Variants in IHO1 observed in about 807,000 individuals in gnomAD.
IHO1 encodes interactor of HORMAD1 1.
IHO1 carries 13 observed loss-of-function variants against 31.0 expected under a neutral mutation model. The observed-to-expected ratio is 0.42, with a 90% CI of 0.27 to 0.67. The LOEUF is 0.67. Among genes scored for constraint, IHO1 ranks in the 30% least tolerant of loss-of-function variants. The probability of loss-of-function intolerance (pLI) is 0.24; values close to 1 mark genes in which losing one functional copy is unlikely to be tolerated. For missense variants in IHO1, 599 were observed against 687.5 expected (o/e 0.87, Z 1.44); for synonymous variants, 221 against 248.4 (o/e 0.89, Z 1.04).
upstream of IHO1, among the ~76,000 whole-genome samples, chr3:49,197,269 C>T (rs908534679): frequency 6.6e-6 from 1 of 151,260 alleles, no homozygotes; most frequent in Non-Finnish European, 1.5e-5. Context: ...GGATTACAGG[C>T]ATGAGCCACC....
chr3:49,254,990 G>A (rs2046805704), intron 6 of IHO1, among the ~76,000 whole-genome samples: 1 of 151,964 alleles, frequency 6.6e-6, no homozygotes, highest in Non-Finnish European at 1.5e-5. Flanking sequence ...TCAAACCTAG[G>A]AGGGGGAAGT....
chr3:49,219,458 A>C (rs904164040), intron 2 of IHO1, among the ~76,000 whole-genome samples: 3 of 152,176 alleles, frequency 2.0e-5, no homozygotes, highest in Non-Finnish European at 2.9e-5. Flanking sequence ...GTTAATATAT[A>C]ATCTATAGAA....
intron 1 of IHO1, among the ~76,000 whole-genome samples, chr3:49,201,067 C>T (rs1253232714): frequency 6.6e-6 from 1 of 151,782 alleles, no homozygotes; most frequent in Non-Finnish European, 1.5e-5. Context: ...GATCTCTGCT[C>T]ACTGCAAGCT....
intron 2 of IHO1, among the ~76,000 whole-genome samples, chr3:49,226,153 G>A (rs1010905707): frequency 6.6e-6 from 1 of 152,136 alleles, no homozygotes; most frequent in African/African-American, 2.4e-5. Context: ...AACCACCAAG[G>A]TTGGTTTGTC....
chr3:49,243,699 A>G (rs1425892424), intron 4 of IHO1, among the ~76,000 whole-genome samples: 1 of 144,204 alleles, frequency 6.9e-6, no homozygotes, highest in Admixed American at 7.2e-5. Context: ...CAGAGCTTGC[A>G]GTGAGCCGAG....
chr3:49,251,361 C>A (rs1461392000), intron 6 of IHO1, among the ~76,000 whole-genome samples: 4 of 151,342 alleles, frequency 2.6e-5, no homozygotes, highest in Non-Finnish European at 5.9e-5. Context: ...TCTCAGCTCA[C>A]TGCAACCTCT....
rs1264329689 is a variant in IHO1 at position 49,257,071 on chromosome 3, CAGTA to C, written c.1577_1580del (p.Val526GlyfsTer31). ...GGAGGAACAGTCATGCCCAATAAGACAGTAAGGGCAGTGCAGGGAAGACTCTTGC... is the reference window on the plus strand; with the variant it reads ...GGAGGAACAGTCATGCCCAATAAGACAGGGCAGTGCAGGGAAGACTCTTGC... On this transcript the variant is annotated frameshift_variant, in exon 8 of 8. Coordinates refer to ENST00000452691, the MANE Select transcript of IHO1 (RefSeq NM_001135197.2). LOFTEE classifies it low-confidence loss of function (END_TRUNC). 3 of 1,614,208 alleles carry C rather than the reference CAGTA, an allele frequency of 1.9e-6. No individual in the cohort carries two copies. Among genetic ancestry groups the C allele is most frequent in the Non-Finnish European group, 2.5e-6 (3 of 1,180,048 alleles).
upstream of IHO1, among the ~76,000 whole-genome samples, chr3:49,195,663 G>A (rs1459411928): frequency 6.6e-6 from 1 of 151,792 alleles, no homozygotes; most frequent in Non-Finnish European, 1.5e-5. Flanking sequence ...GCAGTGAGCT[G>A]AGATCACGCC....
rs577299908 is a variant in IHO1, at chr3:49,237,711, CAG to C, written c.231+991_231+992del. On this transcript the variant is annotated intron_variant, in intron 3 of 7. Transcript: ENST00000452691. ...ATAAAATAACAAATTTTATTTTAGA[CAG>C]ACTTTTTTAAATAATAAACTTCATG... Among the ~76,000 whole-genome samples, 417 of 151,588 alleles carry C rather than the reference CAG, an allele frequency of 2.8e-3. 3 individuals are homozygous for C. Among genetic ancestry groups the C allele is most frequent in the African/African-American group, 9.4e-3 (387 of 41,334 alleles).
At chr3:49,217,070 A>G (rs1241120026) in intron 2 of IHO1, among the ~76,000 whole-genome samples, 1 of 152,250 alleles carries the variant, frequency 6.6e-6, no homozygotes, top group South Asian at 2.1e-4. Context: ...CCATTGTGGA[A>G]GACAGTGTGG....
chr3:49,234,162 G>GTTTTTTTTTTTTTTTTTTTTTT (rs56802492), intron 2 of IHO1, among the ~76,000 whole-genome samples: 1 of 91,916 alleles, frequency 1.1e-5, no homozygotes, highest in Non-Finnish European at 1.9e-5. Flanking sequence ...TTTTGTTGTT[G>GTTTTTTTTTTTTTTTTTTTTTT]TTTTTTTTTT....
intron 3 of IHO1, among the ~76,000 whole-genome samples, chr3:49,240,696 A>G (rs1028783700): frequency 6.6e-6 from 1 of 152,214 alleles, no homozygotes; most frequent in Admixed American, 6.5e-5. Flanking sequence ...ATGCTCTGAA[A>G]TAAGTATTTC....
chr3:49,217,947 C>T (rs1413335911), intron 2 of IHO1, among the ~76,000 whole-genome samples: 1 of 152,198 alleles, frequency 6.6e-6, no homozygotes, highest in African/African-American at 2.4e-5. Context: ...TGGGTCCAGC[C>T]CATGCTGAAG....
chr3:49,251,398 G>A (rs1477039296), intron 6 of IHO1, among the ~76,000 whole-genome samples: 2 of 151,112 alleles, frequency 1.3e-5, no homozygotes, highest in Non-Finnish European at 2.9e-5. Flanking sequence ...TGTTTCTCCT[G>A]CCTCAGCCTC....
chr3:49,244,620 T>A, intron 5 of IHO1, 26 bp from the exon 6 acceptor site: 1 of 1,597,930 alleles, frequency 6.3e-7, no homozygotes, highest in Non-Finnish European at 8.6e-7. Context: ...AGCCTGTGAA[T>A]TATTTCATAA....
rs1559455495 is a variant in IHO1, at chr3:49,257,017, GC to G, written c.1524del (p.Arg509GlufsTer18). 8 of 1,614,056 alleles carry G rather than the reference GC, an allele frequency of 5.0e-6. No individual in the cohort carries two copies. The highest frequency in any genetic ancestry group is 5.9e-6 in the Non-Finnish European group (7 of 1,180,032). On this transcript the variant is annotated frameshift_variant, in exon 8 of 8. Transcript: ENST00000452691. LOFTEE classifies it low-confidence loss of function (END_TRUNC). ...AQPLHLQCPR[S>X]PRKPVCPILG... ...CCTCTGCATCTGCAGTGTCCCAGGA[GC>G]CCCAGAAAACCAGTCTGCCCTATTC...
chr3:49,228,057 T>C (rs544209372), intron 2 of IHO1, among the ~76,000 whole-genome samples: 1 of 152,260 alleles, frequency 6.6e-6, no homozygotes, highest in Admixed American at 6.5e-5. Flanking sequence ...GGAGTGGTTT[T>C]TAGAAGCAGG....
At chr3:49,216,155 G>C (rs1053275960) in intron 2 of IHO1, among the ~76,000 whole-genome samples, 11 of 152,174 alleles carry the variant, frequency 7.2e-5, no homozygotes, top group Admixed American at 7.2e-4. Context: ...TAATGCAGCA[G>C]TCCCTAACCT....
At position 49,241,265 on chromosome 3, in the gene IHO1, C is replaced by T. The variant is rs1369569121; in HGVS notation, c.271C>T (p.Gln91Ter). 3.1e-6 allele frequency: 5 copies of T among 1,613,014 alleles called. No individual in the cohort carries two copies. The highest frequency in any genetic ancestry group is 3.4e-6 in the Non-Finnish European group (4 of 1,179,664). Residue 91 changes from glutamine (Q) to a stop codon, truncating the protein, a stop_gained, in exon 4 of 8, where the codon CAG becomes TAG. Coordinates refer to ENST00000452691, the MANE Select transcript of IHO1 (RefSeq NM_001135197.2). LOFTEE classifies it high-confidence loss of function. ...SIFTKYQTKP[Q>*]LFGGDIKDGG... ...TTTCACAAAGTACCAGACAAAGCCCCAGCTGTTCGGAGGAGATATAAAAGA... is the reference window on the plus strand; with the variant it reads ...TTTCACAAAGTACCAGACAAAGCCCTAGCTGTTCGGAGGAGATATAAAAGA...
Sources: gnomAD v4.1 joint callset for allele counts (sites outside exome capture counted in the v4.1 genomes callset) on GRCh38, gnomAD v4.1.1 for gene constraint, MANE v1.5 for transcripts, NCBI Gene and HGNC (gene_info 2026-07-23, HGNC 2026-07-21) for gene names.